Variants in MCC observed in about 807,000 individuals in gnomAD.
MCC encodes the protein colorectal mutant cancer protein.
Under a neutral mutation model 116.2 loss-of-function variants are expected in MCC, and 90 were observed. The observed-to-expected ratio is 0.77, with a 90% CI of 0.65 to 0.92. The LOEUF is 0.92. MCC is among the 40% of genes least tolerant of loss of function. MCC has a pLI of 0.00. For missense variants in MCC, 1,516 were observed against 1,312.2 expected (o/e 1.16, Z -2.40); for synonymous variants, 578 against 510.5 (o/e 1.13, Z -1.78).
intron 3 of MCC, among the ~76,000 whole-genome samples, chr5:113,246,010 G>T (rs1388046875): frequency 6.6e-6 from 1 of 152,178 alleles, no homozygotes; most frequent in African/African-American, 2.4e-5. Context: ...TTTGAGATAA[G>T]GTCCCTGCCA....
At chr5:113,134,022 G>C (rs1282350175) in intron 5 of MCC, among the ~76,000 whole-genome samples, 1 of 152,140 alleles carries the variant, frequency 6.6e-6, no homozygotes, top group South Asian at 2.1e-4. Context: ...CTCCCATTCT[G>C]TAGTTTGTCT....
chr5:113,037,037 G>A (rs900721255), intron 17 of MCC, among the ~76,000 whole-genome samples: 16 of 152,342 alleles, frequency 1.1e-4, no homozygotes, highest in African/African-American at 3.6e-4. Context: ...GAATCAGCAA[G>A]TTTAAATAAA....
intron 3 of MCC, among the ~76,000 whole-genome samples, chr5:113,240,091 A>G (rs571502805): frequency 1.3e-5 from 2 of 152,282 alleles, no homozygotes; most frequent in Admixed American, 1.3e-4. Flanking sequence ...TACTTTCCAC[A>G]TATGGAATGG....
intron 3 of MCC, among the ~76,000 whole-genome samples, chr5:113,166,423 A>G (rs1469928830): frequency 6.6e-6 from 1 of 152,220 alleles, no homozygotes; most frequent in African/African-American, 2.4e-5. Context: ...ATGTTGAGTA[A>G]GCTTTTGCCT....
intron 3 of MCC, among the ~76,000 whole-genome samples, chr5:113,324,493 G>C (rs1005295802): frequency 1.3e-5 from 2 of 152,112 alleles, no homozygotes; most frequent in African/African-American, 4.8e-5. Flanking sequence ...ATGTTGGTGA[G>C]TATCCTTCCA....
intron 4 of MCC, 77 bp from the exon 5 acceptor site, chr5:113,143,437 T>G (rs1759308888): frequency 2.6e-6 from 4 of 1,512,894 alleles, no homozygotes; most frequent in Non-Finnish European, 3.6e-6. Flanking sequence ...CTTTGTGGCC[T>G]TAAACCATTA....
intron 1 of MCC, among the ~76,000 whole-genome samples, chr5:113,421,895 C>T (rs1310214034): frequency 6.6e-6 from 1 of 152,160 alleles, no homozygotes; most frequent in East Asian, 1.9e-4. Flanking sequence ...TCACCACTTC[C>T]CAGTTCCCTG....
intron 11 of MCC, among the ~76,000 whole-genome samples, chr5:113,081,082 C>T (rs1754828387): frequency 6.6e-6 from 1 of 152,206 alleles, no homozygotes; most frequent in South Asian, 2.1e-4. Context: ...GACCCCCCCT[C>T]CCCTGCCAAT....
chr5:113,385,016 G>T lies in MCC; in HGVS notation c.367C>A (p.Leu123Met). ...GGCCAGGAAGCAATTCTATCCCTCA[G>T]CTTCTTTGTACAGGAGTTGTCTGAC... Reference protein sequence around the residue: ...AKSDNSCTKKLRDRIASWPTS... With the variant: ...AKSDNSCTKKMRDRIASWPTS... Residue 123 changes from leucine to methionine, a missense_variant, in exon 2 of 19, where the codon CTG (leucine) becomes ATG (methionine). Transcript: ENST00000408903. 1 of 1,614,210 alleles carries T rather than the reference G, an allele frequency of 6.2e-7. No individual in the cohort carries two copies. The highest frequency in any genetic ancestry group is 1.3e-5 in the African/African-American group (1 of 75,062).
intron 14 of MCC, among the ~76,000 whole-genome samples, chr5:113,061,385 G>A (rs1302732513): frequency 6.6e-6 from 1 of 152,214 alleles, no homozygotes; most frequent in Non-Finnish European, 1.5e-5. Flanking sequence ...TGCCACAGAG[G>A]GTGGGCTTGA....
intron 1 of MCC, among the ~76,000 whole-genome samples, chr5:113,477,600 C>G (rs1294889978): frequency 1.3e-5 from 2 of 152,172 alleles, no homozygotes; most frequent in African/African-American, 4.8e-5. Context: ...ACCCAGTGGT[C>G]TCACCGAGTT....
At chr5:113,356,063 AT>A (rs5870538) in intron 2 of MCC, among the ~76,000 whole-genome samples, 42 of 140,096 alleles carry the variant, frequency 3.0e-4, no homozygotes, top group Admixed American at 3.6e-4. Flanking sequence ...GGCAAGGTGT[AT>A]TTTTTTTTTT....
intron 3 of MCC, among the ~76,000 whole-genome samples, chr5:113,263,753 A>G (rs1765302870): frequency 1.3e-5 from 2 of 152,312 alleles, no homozygotes; most frequent in South Asian, 4.2e-4. Flanking sequence ...TATCTCCAGG[A>G]GCATCTTAAT....
At chr5:113,262,499 A>G (rs1765253604) in intron 3 of MCC, among the ~76,000 whole-genome samples, 1 of 152,166 alleles carries the variant, frequency 6.6e-6, no homozygotes, top group South Asian at 2.1e-4. Context: ...AAAAGATGGT[A>G]CCAAATACCA....
At chr5:113,081,814 A>C (rs1313446802) in intron 11 of MCC, among the ~76,000 whole-genome samples, 1 of 152,244 alleles carries the variant, frequency 6.6e-6, no homozygotes, top group African/African-American at 2.4e-5. Context: ...TGTATTAAAC[A>C]GCTTCAATCA....
intron 13 of MCC, among the ~76,000 whole-genome samples, chr5:113,067,791 A>G (rs1753726362): frequency 6.6e-6 from 1 of 152,272 alleles, no homozygotes; most frequent in Non-Finnish European, 1.5e-5. Flanking sequence ...GGCCCCTTTC[A>G]TCGCTGATGC....
chr5:113,434,434 C>T lies in MCC; in HGVS notation c.171-49222G>A. 3.7e-6 allele frequency: 6 copies of T among 1,613,862 alleles called. No homozygotes were observed. The South Asian group carries it at 6.6e-5, about 18-fold the overall frequency. Reference sequence around the variant, plus strand: ...AGGAGAAGGTTGTCACACTTGAGGTCCCGGTGGACGACGTCCAGGTCGTGG... The same window carrying T: ...AGGAGAAGGTTGTCACACTTGAGGTTCCGGTGGACGACGTCCAGGTCGTGG... On this transcript the variant is annotated intron_variant, in intron 1 of 18. Coordinates refer to ENST00000408903, the MANE Select transcript of MCC (RefSeq NM_001085377.2). The surrounding 1 kb of genome is among the most constrained non-coding windows in gnomAD (Gnocchi z 4.2).
chr5:113,145,778 ACACACAAAC>A, intron 4 of MCC, among the ~76,000 whole-genome samples: 5 of 13,720 alleles, frequency 3.6e-4, no homozygotes, highest in African/African-American at 9.3e-4. Context: ...ACACACACAC[ACACACAAAC>A]ACACACACAC....
chr5:113,433,868 A>AGGCTGTGCCTGG (rs760563548), intron 1 of MCC: 1 of 1,614,014 alleles, frequency 6.2e-7, no homozygotes, highest in Non-Finnish European at 8.5e-7. Context: ...GTTTTGTCTC[A>AGGCTGTGCCTGG]GGCTGTGCCT....
Sources: allele counts gnomAD v4.1 joint callset (sites outside exome capture counted in the v4.1 genomes callset), GRCh38; gene constraint gnomAD v4.1.1; non-coding constraint Gnocchi (gnomAD v3.1); transcripts MANE v1.5; gene names NCBI Gene and HGNC (gene_info 2026-07-23, HGNC 2026-07-21).